MAP10: variants seen among roughly 807,000 people sequenced by gnomAD.
The protein encoded by MAP10 is microtubule-associated protein 10.
Under a neutral mutation model 6.3 loss-of-function variants are expected in MAP10, and 10 were observed. That is an observed-to-expected ratio of 1.58 (90% confidence interval 0.98 to 2.69). The LOEUF is 2.69. MAP10 is among the 30% of genes most tolerant of loss of function. The pLI is 0.00. For missense variants in MAP10, 1,189 were observed against 1,086.5 expected, an observed-to-expected ratio of 1.09 and a Z score of -1.33; for synonymous variants, 459 against 429.3, an observed-to-expected ratio of 1.07 and a Z score of -0.86.
rs1453418157 is a variant in MAP10 at position 232,806,172 on chromosome 1, G to A, written c.723G>A (p.Glu241=). ...CGCTGGGGGAGTTAGAAATCCCAGAGGCACAGAAGGATTTGAAGGAAATGG... is the reference window on the plus strand; with the variant it reads ...CGCTGGGGGAGTTAGAAATCCCAGAAGCACAGAAGGATTTGAAGGAAATGG... ...DKPLGELEIP[E]AQKDLKEMVK... is the part of the protein sequence containing the mutation. Residue 241 remains glutamate (E), a synonymous_variant, in exon 1 of 1, where the codon GAG becomes GAA. Transcript: ENST00000418460. 1.2e-6 allele frequency: 2 copies of A among 1,613,930 alleles called. No individual in the cohort carries two copies. Among genetic ancestry groups the A allele is most frequent in the Admixed American group, 3.3e-5 (2 of 60,018 alleles).
Position 232,808,282 on chromosome 1 carries a change from A to G in MAP10, c.*115A>G. 1 of 591,078 alleles carries G rather than the reference A, an allele frequency of 1.7e-6. No individual in the cohort carries two copies. The highest frequency in any genetic ancestry group is 2.8e-6 in the Non-Finnish European group (1 of 358,646). The allele number at this position is 591,078 out of a possible 1,614,324, so 36.6% of individuals were successfully genotyped here. A position where few individuals can be genotyped will look rare whatever the true frequency, so the allele number is the denominator to read the frequency against. On this transcript the variant is annotated 3_prime_UTR_variant, in exon 1 of 1. Coordinates refer to ENST00000418460, the MANE Select transcript of MAP10 (RefSeq NM_019090.3). Reference sequence around the variant, plus strand: ...ATAATTTTTTAAAGAAATATGAATTAACGTTATTCCTTTGATGTTTAAATG... The same window carrying G: ...ATAATTTTTTAAAGAAATATGAATTGACGTTATTCCTTTGATGTTTAAATG...
Position 232,806,064 on chromosome 1 carries a change from G to C in MAP10, c.615G>C (p.Ala205=). 1 of 1,614,022 alleles carries C rather than the reference G, an allele frequency of 6.2e-7. No homozygotes were observed. The highest frequency in any genetic ancestry group is 8.5e-7 in the Non-Finnish European group (1 of 1,179,884). The change falls in exon 1 of 1, where the codon GCG becomes GCC. Residue 205 remains alanine, a synonymous_variant. Transcript: ENST00000418460. The part of the protein sequence containing the change: ...PLTFTRTGGG[A]EVSPQTQQER... ...CCTTCACCCGCACAGGAGGAGGAGC[G>C]GAGGTCAGTCCCCAAACCCAGCAGG...
In MAP10 at chr1:232,805,811, C is replaced by A. The variant is rs1666088956; in HGVS notation, c.362C>A (p.Pro121His). The change falls in exon 1 of 1, where the codon CCC becomes CAC. Residue 121 changes from proline (P) to histidine (H), a missense_variant. Coordinates refer to ENST00000418460, the MANE Select transcript of MAP10 (RefSeq NM_019090.3). ...CTTGCCACCTTGCTGCTGCAGCTGC[C>A]CCCTGGGCGCCCGACGCCCACCCCA... ...TPLATLLLQL[P>H]PGRPTPTPQL... is the part of the protein sequence containing the mutation. The A allele has an allele frequency of 1.3e-6, 2 of 1,593,040 alleles. No individual in the cohort carries two copies. The highest frequency in any genetic ancestry group is 8.5e-7 in the Non-Finnish European group (1 of 1,170,246).
In MAP10 at chr1:232,805,478, T is replaced by C; in HGVS notation, c.29T>C (p.Phe10Ser). The C allele has an allele frequency of 6.3e-7, 1 of 1,593,618 alleles. No homozygotes were observed. The highest frequency in any genetic ancestry group is 8.5e-7 in the Non-Finnish European group (1 of 1,169,628). ...GCGGCCTCGCTGTCCGAGCGGCTCT[T>C]CTCGCTGGAGCTGCTGGTGGACTGG... MAASLSERL[F>S]SLELLVDWVR... The change falls in exon 1 of 1, where the codon TTC becomes TCC. Residue 10 changes from phenylalanine (F) to serine (S), a missense_variant. Phe to Ser is a radical substitution (Grantham distance 155, BLOSUM62 -2). Coordinates refer to ENST00000418460, the MANE Select transcript of MAP10 (RefSeq NM_019090.3).
At chr1:232,806,612 GAATT>G in the MAP10 span, 28 of 1,613,674 alleles carry the variant, frequency 1.7e-5, no homozygotes, top group Admixed American at 6.7e-5. Context: ...GAACAAAATC[GAATT>G]AATACAATAA....
At position 232,809,793 on chromosome 1, in the gene MAP10, A is replaced by G. The variant is rs770807124; in HGVS notation, c.*1626A>G. On this transcript the variant is annotated 3_prime_UTR_variant, in exon 1 of 1. Transcript: ENST00000418460. ...TTTTCTAAAATATAAAGCATATAGT[A>G]TAACATTTCACAAAATCAAAATATT... is the stretch of plus-strand genomic sequence containing the variant. Among the ~76,000 whole-genome samples, 2 of 152,102 alleles carry G rather than the reference A, an allele frequency of 1.3e-5. No homozygotes were observed. The highest frequency in any genetic ancestry group is 2.9e-5 in the Non-Finnish European group (2 of 67,930).
At position 232,805,419 on chromosome 1, in the gene MAP10, G is replaced by A. The variant is rs775849929; in HGVS notation, c.-31G>A. ...GGGGCTTCAGCTTCTCGTTTGCGGAGCCCGCGGCGGCGTTTCCTGGGGCAA... is the reference window on the plus strand; with the variant it reads ...GGGGCTTCAGCTTCTCGTTTGCGGAACCCGCGGCGGCGTTTCCTGGGGCAA... On this transcript the variant is annotated 5_prime_UTR_variant, in exon 1 of 1. Coordinates refer to ENST00000418460, the MANE Select transcript of MAP10 (RefSeq NM_019090.3). 1 of 1,612,766 alleles carries A rather than the reference G, an allele frequency of 6.2e-7. No homozygotes were observed. Among genetic ancestry groups the A allele is most frequent in the South Asian group, 1.1e-5 (1 of 90,958 alleles).
In MAP10 at chr1:232,809,169, A is replaced by G. The variant is rs1666157557; in HGVS notation, c.*1002A>G. 6.6e-5 allele frequency among the ~76,000 whole-genome samples: 10 copies of G among 152,174 alleles called. No individual in the cohort carries two copies. The South Asian group carries it at 2.1e-3, about 32-fold the overall frequency. ...ATGGAACTTTGTTTTTATGAAATCC[A>G]GTGATAATTTATAATTTATTCCATT... On this transcript the variant is annotated 3_prime_UTR_variant, in exon 1 of 1. Coordinates refer to ENST00000418460, the MANE Select transcript of MAP10 (RefSeq NM_019090.3).
Position 232,805,637 on chromosome 1 carries a change from A to T in MAP10, c.188A>T (p.Asp63Val). The change falls in exon 1 of 1, where the codon GAC (aspartate) becomes GTC (valine). Residue 63 changes from aspartate (D) to valine (V), a missense_variant. Coordinates refer to ENST00000418460, the MANE Select transcript of MAP10 (RefSeq NM_019090.3). ...CCCGCCGTGGCCTTCCGCCTGCTGG[A>T]CTTCCCCACGCTGTTGGTTTACCCT... ...LCPAVAFRLL[D>V]FPTLLVYPPD... is the part of the protein sequence containing the mutation. The T allele has an allele frequency of 6.3e-7, 1 of 1,581,130 alleles. No homozygotes were observed. Among genetic ancestry groups the T allele is most frequent in the Non-Finnish European group, 8.6e-7 (1 of 1,166,850 alleles).
rs1666128164 is a variant in MAP10, at chr1:232,807,483, G to T, written c.2034G>T (p.Met678Ile). The T allele has an allele frequency of 1.2e-6, 2 of 1,613,734 alleles. No homozygotes were observed. The highest frequency in any genetic ancestry group is 1.7e-6 in the Non-Finnish European group (2 of 1,179,752). ...AAACCACAGATAATGACATTCTTAT[G>T]GCTGATATAAGTGACAAGAGAACAG... ...QVKTTDNDILMADISDKRTGK... is the reference protein window; with the variant it reads ...QVKTTDNDILIADISDKRTGK... The change falls in exon 1 of 1, where the codon ATG (methionine) becomes ATT (isoleucine). Residue 678 changes from methionine to isoleucine, a missense_variant. Coordinates refer to ENST00000418460, the MANE Select transcript of MAP10 (RefSeq NM_019090.3).
At chr1:232,807,063 TC>T in the MAP10 span, 6 of 1,612,702 alleles carry the variant, frequency 3.7e-6, no homozygotes, top group Middle Eastern at 1.7e-4. Flanking sequence ...AATTCAGAAT[TC>T]CGTCATCCAA....
rs769711576 is a variant in MAP10 at position 232,806,013 on chromosome 1, G to A, written c.564G>A (p.Leu188=). Residue 188 remains leucine, a synonymous_variant, in exon 1 of 1, where the codon CTG becomes CTA. Transcript: ENST00000418460. ...AYRLTDLGSR[L]LSQLERPLTF... is the part of the protein sequence containing the mutation. ...GCCTGACTGACCTGGGAAGCCGCCTGCTGAGCCAACTTGAGCGGCCCCTCA... is the reference window on the plus strand; with the variant it reads ...GCCTGACTGACCTGGGAAGCCGCCTACTGAGCCAACTTGAGCGGCCCCTCA... 7 of 1,613,752 alleles carry A rather than the reference G, an allele frequency of 4.3e-6. No homozygotes were observed. Among genetic ancestry groups the A allele is most frequent in the Non-Finnish European group, 5.1e-6 (6 of 1,179,864 alleles).
chr1:232,807,811 T>A lies in MAP10; in HGVS notation c.2362T>A (p.Leu788Met). The A allele has an allele frequency of 6.2e-7, 1 of 1,613,406 alleles. No individual in the cohort carries two copies. The highest frequency in any genetic ancestry group is 2.2e-5 in the East Asian group (1 of 44,868). Reference protein sequence around the residue: ...FHISKTQDKSLEEASSISASD... With the variant: ...FHISKTQDKSMEEASSISASD... ...TATTTCAAAGACTCAGGATAAAAGT[T>A]TGGAGGAAGCATCTAGTATCTCTGC... is the stretch of plus-strand genomic sequence containing the variant. The change falls in exon 1 of 1, where the codon TTG becomes ATG. Residue 788 changes from leucine to methionine, a missense_variant. Physicochemically the swap from Leu to Met is conservative, Grantham distance 15. Transcript: ENST00000418460.
Position 232,807,851 on chromosome 1 carries a change from C to T in MAP10, c.2402C>T (p.Ser801Leu). The change falls in exon 1 of 1, where the codon TCA (serine) becomes TTA (leucine). Residue 801 changes from serine to leucine, a missense_variant. Physicochemically the swap from Ser to Leu is moderately radical, Grantham distance 145. Transcript: ENST00000418460. Reference protein sequence around the residue: ...ASSISASDLSSTHWTEQKENQ... With the variant: ...ASSISASDLSLTHWTEQKENQ... ...AGTATCTCTGCTAGTGATTTATCTT[C>T]AACACATTGGACTGAACAAAAAGAA... The T allele has an allele frequency of 1.9e-6, 3 of 1,613,222 alleles. No individual in the cohort carries two copies. The highest frequency in any genetic ancestry group is 2.5e-6 in the Non-Finnish European group (3 of 1,179,528).
In MAP10 at chr1:232,806,582, C is replaced by G. The variant is rs768241074; in HGVS notation, c.1133C>G (p.Thr378Ser). Reference sequence around the variant, plus strand: ...CCACATATTCAGAATATAGGAGCAACTAATCAAACATGTCAAACTGAACAA... The same window carrying G: ...CCACATATTCAGAATATAGGAGCAAGTAATCAAACATGTCAAACTGAACAA... ...NPPHIQNIGA[T>S]NQTCQTEQNR... is the part of the protein sequence containing the mutation. The change falls in exon 1 of 1, where the codon ACT (threonine) becomes AGT (serine). Residue 378 changes from threonine to serine, a missense_variant. Transcript: ENST00000418460. 2.5e-6 allele frequency: 4 copies of G among 1,613,926 alleles called. No homozygotes were observed. The South Asian group carries it at 4.4e-5, about 18-fold the overall frequency.
At position 232,807,809 on chromosome 1, in the gene MAP10, G is replaced by T. The variant is rs1160316586; in HGVS notation, c.2360G>T (p.Ser787Ile). Residue 787 changes from serine to isoleucine, a missense_variant, in exon 1 of 1, where the codon AGT (serine) becomes ATT (isoleucine). Transcript: ENST00000418460. The part of the protein sequence containing the change: ...KFHISKTQDK[S>I]LEEASSISAS... Reference sequence around the variant, plus strand: ...CATATTTCAAAGACTCAGGATAAAAGTTTGGAGGAAGCATCTAGTATCTCT... The same window carrying T: ...CATATTTCAAAGACTCAGGATAAAATTTTGGAGGAAGCATCTAGTATCTCT... 1.9e-6 allele frequency: 3 copies of T among 1,613,346 alleles called. No individual in the cohort carries two copies. In the African/African-American group the frequency reaches 4.0e-5, roughly 22 times the overall value.
chr1:232,805,499 A>T lies in MAP10; in HGVS notation c.50A>T (p.Asp17Val). The T allele has an allele frequency of 6.3e-7, 1 of 1,577,478 alleles. No individual in the cohort carries two copies. The highest frequency in any genetic ancestry group is 1.1e-5 in the South Asian group (1 of 87,140). The change falls in exon 1 of 1, where the codon GAC becomes GTC. Residue 17 changes from aspartate to valine, a missense_variant. Asp to Val is a radical substitution (Grantham distance 152, BLOSUM62 -3). Coordinates refer to ENST00000418460, the MANE Select transcript of MAP10 (RefSeq NM_019090.3). ...CTCTTCTCGCTGGAGCTGCTGGTGG[A>T]CTGGGTGCGTTTGGAAGCCCGGCTG... ...ERLFSLELLV[D>V]WVRLEARLLP...
Position 232,807,683 on chromosome 1 carries a change from G to A in MAP10, c.2234G>A (p.Ser745Asn). ...PKHSQYTSKS[S>N]DTGVSKKKNS... is the part of the protein sequence containing the mutation. ...CATAGTCAATATACAAGCAAGTCTA[G>A]TGACACAGGAGTGTCCAAAAAGAAA... The change falls in exon 1 of 1, where the codon AGT (serine) becomes AAT (asparagine). Residue 745 changes from serine to asparagine, a missense_variant. Transcript: ENST00000418460. The A allele has an allele frequency of 5.0e-6, 8 of 1,613,216 alleles. No homozygotes were observed. The highest frequency in any genetic ancestry group is 5.9e-6 in the Non-Finnish European group (7 of 1,179,498).
Position 232,807,294 on chromosome 1 carries a change from GGAA to G in MAP10, c.1850_1852del (p.Glu617del). The G allele has an allele frequency of 6.2e-7, 1 of 1,613,578 alleles. No individual in the cohort carries two copies. Among genetic ancestry groups the G allele is most frequent in the Middle Eastern group, 1.7e-4 (1 of 6,060 alleles). On this transcript the variant is annotated inframe_deletion, in exon 1 of 1. Transcript: ENST00000418460. ...AAAATAGAATCAATAATGTTTCATT[GGAA>G]GAAGTTGTGAGTCCTGCAAATTCCA... is the stretch of plus-strand genomic sequence containing the variant.
Sources: gnomAD v4.1 joint callset for allele counts (sites outside exome capture counted in the v4.1 genomes callset) on GRCh38, gnomAD v4.1.1 for gene constraint, MANE v1.5 for transcripts, NCBI Gene and HGNC (gene_info 2026-07-23, HGNC 2026-07-21) for gene names.